Variants in ELF1 observed in about 807,000 individuals in gnomAD.
The protein encoded by ELF1 is E74 like ETS transcription factor 1.
In ELF1, 24 loss-of-function variants were observed where a neutral mutation model predicts 59.9. The observed-to-expected ratio is 0.40, with a 90% CI of 0.29 to 0.56. ELF1 has a LOEUF of 0.56. Among genes scored for constraint, ELF1 ranks in the 20% least tolerant of loss-of-function variants. ELF1 has a pLI of 0.44. For synonymous variants in ELF1, 248 were observed against 266.2 expected (o/e 0.93, Z 0.67); for missense variants, 627 against 742.2 (o/e 0.84, Z 1.80).
chr13:40,959,135 TG>T, intron 2 of ELF1, 119 bp from the exon 3 acceptor site: 3 of 1,334,370 alleles, frequency 2.2e-6, no homozygotes, highest in Non-Finnish European at 2.0e-6. Flanking sequence ...ATCATCAGGC[TG>T]TATCTCTATA....
chr13:41,010,254 T>C (rs568871362), intron 1 of ELF1, among the ~76,000 whole-genome samples: 1,025 of 62,770 alleles, frequency 0.016, 15 homozygotes, highest in African/African-American at 0.057. Context: ...AATAAAAAAA[T>C]AAAATAAAAA....
intron 8 of ELF1, among the ~76,000 whole-genome samples, chr13:40,938,272 T>C (rs956963284): frequency 5.3e-5 from 8 of 152,234 alleles, no homozygotes; most frequent in African/African-American, 1.9e-4. Context: ...TTGACTACCA[T>C]GAAGCCAGAA....
intron 1 of ELF1, among the ~76,000 whole-genome samples, chr13:40,994,219 C>G (rs145359135): frequency 1.3e-5 from 2 of 152,248 alleles, no homozygotes; most frequent in African/African-American, 4.8e-5. Context: ...TACACTGATA[C>G]CAGGGTAGCA....
At chr13:40,996,929 C>T (rs1009881573) in intron 1 of ELF1, among the ~76,000 whole-genome samples, 8 of 152,146 alleles carry the variant, frequency 5.3e-5, no homozygotes, top group Non-Finnish European at 8.8e-5. Context: ...GCCTTAATCT[C>T]ACCAAGAACC....
At chr13:41,032,220 C>CTT (rs1211033601) in intron 1 of ELF1, among the ~76,000 whole-genome samples, 3 of 142,814 alleles carry the variant, frequency 2.1e-5, no homozygotes, top group Non-Finnish European at 3.1e-5. Flanking sequence ...TATTTATTTA[C>CTT]TTTTTTTTTT....
rs78773857 is a variant in ELF1 at position 40,934,402 on chromosome 13, T to G, written c.1257-374A>C. ...ATTAGGAATTTAAAAGCAAATCTGT[T>G]TGATTCATTCCTGCTTTTTTTTTTT... On this transcript the variant is annotated intron_variant, in intron 8 of 8. Transcript: ENST00000239882. 3.4e-3 allele frequency among the ~76,000 whole-genome samples: 506 copies of G among 150,706 alleles called. 2 individuals are homozygous for G. Among genetic ancestry groups the G allele is most frequent in the African/African-American group, 0.012 (484 of 41,152 alleles).
intron 2 of ELF1, among the ~76,000 whole-genome samples, chr13:40,976,698 C>T (rs1161573474): frequency 6.6e-6 from 1 of 152,142 alleles, no homozygotes; most frequent in African/African-American, 2.4e-5. Context: ...TGCACCATCA[C>T]GCCTGCTAAT....
At chr13:40,937,045 C>T (rs1288517455) in intron 8 of ELF1, among the ~76,000 whole-genome samples, 1 of 152,144 alleles carries the variant, frequency 6.6e-6, no homozygotes, top group African/African-American at 2.4e-5. Flanking sequence ...AATATATTGG[C>T]TTATTGGAAC....
intron 1 of ELF1, among the ~76,000 whole-genome samples, chr13:41,028,709 T>G (rs1876046371): frequency 6.6e-6 from 1 of 152,216 alleles, no homozygotes; most frequent in African/African-American, 2.4e-5. Context: ...GTATTTACTT[T>G]ATATCAGTAT....
At chr13:41,052,928 G>A (rs1352771192) in intron 1 of ELF1, among the ~76,000 whole-genome samples, 2 of 152,046 alleles carry the variant, frequency 1.3e-5, no homozygotes, top group African/African-American at 4.8e-5. Context: ...ATATGTGTTA[G>A]CAAAAAATAA....
At chr13:40,951,584 C>G in intron 3 of ELF1, 148 bp from the exon 4 acceptor site, 1 of 500,360 alleles carries the variant, frequency 2.0e-6, no homozygotes, top group South Asian at 4.8e-5. Flanking sequence ...AAAATCATAC[C>G]AAACCTGGCT....
chr13:40,965,340 GGC>G (rs1354982646), intron 2 of ELF1, among the ~76,000 whole-genome samples: 2 of 152,196 alleles, frequency 1.3e-5, no homozygotes, highest in African/African-American at 4.8e-5. Context: ...TGAAGGTGTT[GGC>G]CGGGTGCAGT....
intron 1 of ELF1, among the ~76,000 whole-genome samples, chr13:41,007,483 T>C (rs1009113142): frequency 6.6e-6 from 1 of 152,098 alleles, no homozygotes; most frequent in Non-Finnish European, 1.5e-5. Flanking sequence ...AAAAATAAGG[T>C]TGCTATACAA....
At chr13:40,976,347 C>A (rs1480703457) in intron 2 of ELF1, among the ~76,000 whole-genome samples, 2 of 152,202 alleles carry the variant, frequency 1.3e-5, no homozygotes, top group African/African-American at 4.8e-5. Context: ...GTCAGATAAA[C>A]TAGATCCTCC....
intron 1 of ELF1, among the ~76,000 whole-genome samples, chr13:41,060,558 G>A (rs1420116749): frequency 6.6e-6 from 1 of 152,112 alleles, no homozygotes; most frequent in African/African-American, 2.4e-5. Flanking sequence ...TCTCCAGCAG[G>A]CACGGCGTGG....
chr13:41,060,301 C>T (rs1172371447), intron 1 of ELF1, among the ~76,000 whole-genome samples: 1 of 152,214 alleles, frequency 6.6e-6, no homozygotes, highest in African/African-American at 2.4e-5. Flanking sequence ...TCTGGGGCGC[C>T]CAGGGCAGGG....
At chr13:40,983,001 C>T (rs917207167) in intron 1 of ELF1, 8 of 323,664 alleles carry the variant, frequency 2.5e-5, no homozygotes, top group African/African-American at 1.8e-4. Context: ...CTGCACTTTA[C>T]AATAGTAGAA....
chr13:40,947,445 G>C (rs1870574602), intron 5 of ELF1, among the ~76,000 whole-genome samples: 1 of 152,200 alleles, frequency 6.6e-6, no homozygotes, highest in Non-Finnish European at 1.5e-5. Flanking sequence ...GGGAGGCAGA[G>C]GCAGGAGAAT....
At chr13:40,935,793 C>T (rs1045388921) in intron 8 of ELF1, among the ~76,000 whole-genome samples, 34 of 151,856 alleles carry the variant, frequency 2.2e-4, no homozygotes, top group Admixed American at 3.9e-4. Flanking sequence ...CTGCCTCAGC[C>T]TCCCGAGTAG....
Sources: allele counts gnomAD v4.1 joint callset (sites outside exome capture counted in the v4.1 genomes callset), GRCh38; gene constraint gnomAD v4.1.1; transcripts MANE v1.5; gene names NCBI Gene and HGNC (gene_info 2026-07-23, HGNC 2026-07-21).